ALK: variants seen among roughly 807,000 people sequenced by gnomAD.
The protein encoded by ALK is ALK receptor tyrosine kinase, also known as ALK tyrosine kinase receptor.
A neutral mutation model predicts 163.1 loss-of-function variants in ALK; 74 were observed. The observed-to-expected ratio is 0.45, with a 90% CI of 0.38 to 0.55. ALK has a LOEUF of 0.55. ALK is among the 20% of genes least tolerant of loss of function. ALK has a pLI of 0.00. For synonymous variants in ALK, 960 were observed against 843.2 expected (o/e 1.14, Z -2.40); for missense variants, 2,063 against 2,105.3 (o/e 0.98, Z 0.39).
At chr2:29,523,200 G>T (rs1011204869) in intron 4 of ALK, among the ~76,000 whole-genome samples, 1 of 152,138 alleles carries the variant, frequency 6.6e-6, no homozygotes, top group South Asian at 2.1e-4. Flanking sequence ...CTTTGCACAC[G>T]TGCACTCTCT....
At chr2:29,373,599 G>A (rs1668685822) in intron 5 of ALK, among the ~76,000 whole-genome samples, 1 of 152,230 alleles carries the variant, frequency 6.6e-6, no homozygotes, top group African/African-American at 2.4e-5. Flanking sequence ...GCCCAAGCAG[G>A]CATTGTTTCT....
At chr2:29,782,178 G>T (rs1271006947) in intron 1 of ALK, among the ~76,000 whole-genome samples, 2 of 152,174 alleles carry the variant, frequency 1.3e-5, no homozygotes, top group Non-Finnish European at 2.9e-5. Flanking sequence ...TTAAGTAAGA[G>T]ATTTGGAACA....
intron 3 of ALK, among the ~76,000 whole-genome samples, chr2:29,637,803 G>C (rs573727280): frequency 6.6e-6 from 1 of 150,934 alleles, no homozygotes; most frequent in Admixed American, 6.6e-5. Context: ...TCACACTTAT[G>C]TTTTCAAGAT....
At chr2:29,794,685 G>A (rs550474764) in intron 1 of ALK, among the ~76,000 whole-genome samples, 6 of 152,248 alleles carry the variant, frequency 3.9e-5, no homozygotes, top group African/African-American at 1.4e-4. Context: ...GAGAGAGTTA[G>A]GAAAATGGCA....
intron 2 of ALK, among the ~76,000 whole-genome samples, chr2:29,705,484 G>A (rs1188415276): frequency 6.6e-6 from 1 of 151,492 alleles, no homozygotes; most frequent in African/African-American, 2.4e-5. Context: ...AGGACCCAGG[G>A]AGAAGCAGGC....
chr2:29,396,451 G>C (rs10865511), intron 4 of ALK, among the ~76,000 whole-genome samples: 47,524 of 151,748 alleles, frequency 0.31, 7,936 homozygotes, highest in East Asian at 0.52. Context: ...CGAGGTGGGC[G>C]GATCACGAGG....
intron 11 of ALK, among the ~76,000 whole-genome samples, chr2:29,269,716 C>T (rs1235306282): frequency 6.6e-6 from 1 of 152,172 alleles, no homozygotes; most frequent in East Asian, 1.9e-4. Context: ...ATCAGCAGGG[C>T]AGCTGAGCAG....
intron 1 of ALK, among the ~76,000 whole-genome samples, chr2:29,815,141 G>T (rs1040151875): frequency 1.3e-5 from 2 of 151,016 alleles, no homozygotes; most frequent in Non-Finnish European, 1.5e-5. Flanking sequence ...TGTCTAAATT[G>T]AGTTTAAATC....
intron 3 of ALK, among the ~76,000 whole-genome samples, chr2:29,670,855 A>T (rs551890313): frequency 6.6e-6 from 1 of 152,188 alleles, no homozygotes; most frequent in Admixed American, 6.5e-5. Context: ...ATTTTTAAAA[A>T]CTATTTCAAT....
chr2:29,796,592 G>C (rs1031503303), intron 1 of ALK, among the ~76,000 whole-genome samples: 1 of 151,994 alleles, frequency 6.6e-6, no homozygotes, highest in Non-Finnish European at 1.5e-5. Flanking sequence ...TTTCTTTCAG[G>C]TCCTGAGATA....
intron 15 of ALK, among the ~76,000 whole-genome samples, chr2:29,229,385 G>C (rs7604458): frequency 0.017 from 2,629 of 152,318 alleles, 84 homozygotes; most frequent in African/African-American, 0.06. Context: ...GGGCAGACAG[G>C]CAGCATGGCG....
At chr2:29,568,463 C>T (rs115139338) in intron 3 of ALK, among the ~76,000 whole-genome samples, 2,254 of 152,236 alleles carry the variant, frequency 0.015, 60 homozygotes, top group African/African-American at 0.051. Context: ...AATTGAGAGC[C>T]GGCTGCAGTC....
At chr2:29,728,683 G>A (rs552130818) in intron 1 of ALK, among the ~76,000 whole-genome samples, 13 of 152,176 alleles carry the variant, frequency 8.5e-5, no homozygotes, top group South Asian at 4.1e-4. Context: ...TAAAGGGAGT[G>A]GGGTAGGGTG....
At chr2:29,385,150 T>G (rs575382151) in intron 4 of ALK, among the ~76,000 whole-genome samples, 1 of 152,082 alleles carries the variant, frequency 6.6e-6, no homozygotes, top group African/African-American at 2.4e-5. Context: ...AGGTTGGGCT[T>G]TGGTATGGCA....
At chr2:29,630,393 G>A (rs1386405894) in intron 3 of ALK, among the ~76,000 whole-genome samples, 2 of 151,980 alleles carry the variant, frequency 1.3e-5, no homozygotes, top group African/African-American at 4.8e-5. Flanking sequence ...TTTCTTACAG[G>A]TGATATTAAG....
At chr2:29,714,135 G>A (rs1679183215) in intron 2 of ALK, among the ~76,000 whole-genome samples, 1 of 152,088 alleles carries the variant, frequency 6.6e-6, no homozygotes, top group Non-Finnish European at 1.5e-5. Flanking sequence ...CTATAAATAA[G>A]TCTAAGGGCA....
intron 9 of ALK, among the ~76,000 whole-genome samples, chr2:29,288,813 G>A (rs533383080): frequency 2.6e-5 from 4 of 151,680 alleles, no homozygotes; most frequent in Admixed American, 1.3e-4. Context: ...TTAGCCAGGC[G>A]TGGTGGTGGA....
intron 6 of ALK, among the ~76,000 whole-genome samples, chr2:29,326,745 A>G (rs1464914576): frequency 6.6e-6 from 1 of 152,240 alleles, no homozygotes; most frequent in Non-Finnish European, 1.5e-5. Flanking sequence ...TGGGAAAATG[A>G]ATGTCTTTAT....
intron 1 of ALK, among the ~76,000 whole-genome samples, chr2:29,859,985 T>C (rs915232855): frequency 2.6e-5 from 4 of 151,704 alleles, no homozygotes; most frequent in Non-Finnish European, 5.9e-5. Context: ...AATACAGACA[T>C]GGACAAAAGG....
Sources: allele counts gnomAD v4.1 joint callset (sites outside exome capture counted in the v4.1 genomes callset), GRCh38; gene constraint gnomAD v4.1.1; transcripts MANE v1.5; gene names NCBI Gene and HGNC (gene_info 2026-07-23, HGNC 2026-07-21).